IL1RAP: variants seen among roughly 807,000 people sequenced by gnomAD.
The protein encoded by IL1RAP is interleukin-1 receptor accessory protein.
A neutral mutation model predicts 60.7 loss-of-function variants in IL1RAP; 35 were observed. That is an observed-to-expected ratio of 0.58 (90% CI 0.44 to 0.76). IL1RAP has a LOEUF of 0.76. Among genes scored for constraint, IL1RAP ranks in the 30% least tolerant of loss-of-function variants. The pLI, the probability that IL1RAP is intolerant of heterozygous loss-of-function variation, is 0.00. For synonymous variants in IL1RAP, 268 were observed against 250.9 expected, an observed-to-expected ratio of 1.07 and a Z score of -0.64; for missense variants, 572 against 693.9, an observed-to-expected ratio of 0.82 and a Z score of 1.97.
intron 3 of IL1RAP, among the ~76,000 whole-genome samples, chr3:190,578,994 A>T (rs1727748824): frequency 6.6e-6 from 1 of 152,204 alleles, no homozygotes; most frequent in African/African-American, 2.4e-5. Flanking sequence ...GTGGGGACAC[A>T]GCCAAACCAT....
chr3:190,640,300 T>C (rs1249345604), intron 9 of IL1RAP, among the ~76,000 whole-genome samples: 1 of 152,204 alleles, frequency 6.6e-6, no homozygotes, highest in African/African-American at 2.4e-5. Flanking sequence ...TTACCAGTTG[T>C]CCAACTTTTT....
chr3:190,632,383 A>G (rs1560231890), intron 9 of IL1RAP, among the ~76,000 whole-genome samples: 1 of 152,216 alleles, frequency 6.6e-6, no homozygotes, highest in Non-Finnish European at 1.5e-5. Flanking sequence ...CTTATTTGTC[A>G]TTAGCTAATA....
intron 3 of IL1RAP, among the ~76,000 whole-genome samples, chr3:190,587,697 A>G (rs1378337703): frequency 6.6e-6 from 1 of 152,260 alleles, no homozygotes; most frequent in African/African-American, 2.4e-5. Flanking sequence ...ATGTTTGTCA[A>G]CATGAAGAAT....
chr3:190,529,857 CAAAAA>C (rs56743516), intron 1 of IL1RAP, among the ~76,000 whole-genome samples: 2 of 75,964 alleles, frequency 2.6e-5, no homozygotes, highest in Admixed American at 1.6e-4. Flanking sequence ...GACTCTGACT[CAAAAA>C]AAAAAAAAAA....
chr3:190,630,813 A>G (rs1732727045), intron 9 of IL1RAP, among the ~76,000 whole-genome samples: 1 of 152,184 alleles, frequency 6.6e-6, no homozygotes, highest in African/African-American at 2.4e-5. Flanking sequence ...TGGTTTCTGC[A>G]CATCCTAACT....
At chr3:190,652,756 A>G (rs186221118), downstream of IL1RAP, among the ~76,000 whole-genome samples, 3 of 152,356 alleles carry the variant, frequency 2.0e-5, no homozygotes, top group East Asian at 3.9e-4. Flanking sequence ...GAGATTTTGT[A>G]TATGAGTTTT....
intron 1 of IL1RAP, among the ~76,000 whole-genome samples, chr3:190,525,622 G>C (rs978518810): frequency 3.9e-5 from 6 of 152,172 alleles, no homozygotes; most frequent in African/African-American, 1.4e-4. Context: ...TCATCATGTA[G>C]GCTGTTATGA....
rs116707068 is a variant in IL1RAP, at chr3:190,625,003, C to A, written c.775+1588C>A. The A allele has an allele frequency of 5.5e-3, 882 of 160,756 alleles. 10 individuals are homozygous for A. The highest frequency in any genetic ancestry group is 0.02 in the African/African-American group (848 of 41,782). 10.0% of individuals were successfully genotyped at this position (160,756 alleles called of 1,614,324 possible). On this transcript the variant is annotated intron_variant, in intron 7 of 11. Coordinates refer to ENST00000447382, the MANE Select transcript of IL1RAP (RefSeq NM_002182.4). ...CACACTGCAGCGGGGTCCTCGTGTG[C>A]TCGCGGTGCATTTTTGCAGCTGGCG...
At chr3:190,645,884 G>A (rs1733979977) in intron 11 of IL1RAP, 42 bp downstream of exon 11, 1 of 1,556,888 alleles carries the variant, frequency 6.4e-7, no homozygotes, top group Non-Finnish European at 8.8e-7. Context: ...ACCTTGAAAG[G>A]CAGACAGAAT....
At chr3:190,586,374 A>G (rs1211650760) in intron 3 of IL1RAP, among the ~76,000 whole-genome samples, 2 of 152,150 alleles carry the variant, frequency 1.3e-5, no homozygotes, top group Non-Finnish European at 2.9e-5. Context: ...ATTGAAGGAC[A>G]TGCCATAAGC....
chr3:190,579,746 C>G (rs1032814500), intron 3 of IL1RAP, among the ~76,000 whole-genome samples: 2 of 152,164 alleles, frequency 1.3e-5, no homozygotes, highest in African/African-American at 4.8e-5. Flanking sequence ...CATTCTCCCC[C>G]ACCCAAGCCC....
chr3:190,616,200 C>G (rs1372542604), intron 5 of IL1RAP, among the ~76,000 whole-genome samples: 4 of 152,168 alleles, frequency 2.6e-5, no homozygotes, highest in Non-Finnish European at 5.9e-5. Context: ...CTACTCTGTA[C>G]TTCGATAGCA....
intron 1 of IL1RAP, among the ~76,000 whole-genome samples, chr3:190,532,261 C>CTTTT (rs370264409): frequency 9.4e-5 from 12 of 128,280 alleles, no homozygotes; most frequent in Non-Finnish European, 1.3e-4. Context: ...AATCATCTTT[C>CTTTT]TTTTTTTTTT....
At chr3:190,554,023 T>C (rs546893797) in intron 1 of IL1RAP, among the ~76,000 whole-genome samples, 11 of 128,000 alleles carry the variant, frequency 8.6e-5, no homozygotes, top group African/African-American at 3.4e-4. Flanking sequence ...ATCCCGCCAC[T>C]GCACTCCAGC....
In IL1RAP at chr3:190,536,310, A is replaced by C. The variant is rs192822454; in HGVS notation, c.-88-19820A>C. Reference sequence around the variant, plus strand: ...TTTTAATTTTTTTTTAAGTTGATGCATCTTAGTTACCGTTTGCAGCTCTGG... The same window carrying C: ...TTTTAATTTTTTTTTAAGTTGATGCCTCTTAGTTACCGTTTGCAGCTCTGG... On this transcript the variant is annotated intron_variant, in intron 1 of 11. Coordinates refer to ENST00000447382, the MANE Select transcript of IL1RAP (RefSeq NM_002182.4). Among the ~76,000 whole-genome samples the C allele has an allele frequency of 1.8e-4, 27 of 152,194 alleles. 1 individual carries two copies. In the East Asian group the frequency reaches 5.2e-3, roughly 29 times the overall value.
At chr3:190,590,939 A>G (rs1220661950) in intron 3 of IL1RAP, among the ~76,000 whole-genome samples, 1 of 152,232 alleles carries the variant, frequency 6.6e-6, no homozygotes, top group Admixed American at 6.5e-5. Context: ...TATACTTGCT[A>G]CAAGTAAACT....
chr3:190,541,563 A>T (rs1352263095), intron 1 of IL1RAP, among the ~76,000 whole-genome samples: 1 of 152,150 alleles, frequency 6.6e-6, no homozygotes, highest in Admixed American at 6.6e-5. Flanking sequence ...GTAACAAATT[A>T]TACGCCTCCA....
At chr3:190,556,369 G>A (rs1027197588) in intron 2 of IL1RAP, among the ~76,000 whole-genome samples, 153 bp downstream of exon 2, 1 of 151,336 alleles carries the variant, frequency 6.6e-6, no homozygotes, top group Non-Finnish European at 1.5e-5. Flanking sequence ...ATAATATATA[G>A]CATTTTTTAT....
At chr3:190,614,152 C>T (rs1465620924) in intron 5 of IL1RAP, among the ~76,000 whole-genome samples, 2 of 151,154 alleles carry the variant, frequency 1.3e-5, no homozygotes, top group Non-Finnish European at 3.0e-5. Context: ...CTGTTGGTTC[C>T]TACCTCTATG....
Sources: allele counts gnomAD v4.1 joint callset (sites outside exome capture counted in the v4.1 genomes callset), GRCh38; gene constraint gnomAD v4.1.1; transcripts MANE v1.5; gene names NCBI Gene and HGNC (gene_info 2026-07-23, HGNC 2026-07-21).